Variants in TOR1AIP2 observed in about 807,000 individuals in gnomAD.
TOR1AIP2 encodes torsin-1A-interacting protein 2.
TOR1AIP2 carries 20 observed loss-of-function variants against 32.6 expected under a neutral mutation model. The observed-to-expected ratio is 0.61, with a 90% CI of 0.43 to 0.89. The LOEUF (loss-of-function observed/expected upper bound fraction) is 0.89, where lower values mean the gene tolerates loss of function less well. Ranked by LOEUF, TOR1AIP2 falls within the 40% of genes least tolerant of loss-of-function variation. The pLI is 0.00. For missense variants in TOR1AIP2, 456 were observed against 553.8 expected (o/e 0.82, Z 1.77); for synonymous variants, 214 against 210.8 (o/e 1.02, Z -0.13).
chr1:179,854,955 G>C (rs527744546), intron 3 of TOR1AIP2, among the ~76,000 whole-genome samples: 3 of 152,152 alleles, frequency 2.0e-5, no homozygotes, highest in Middle Eastern at 3.4e-3. Flanking sequence ...ACAGAATAGA[G>C]AGTCAAGAAA....
intron 2 of TOR1AIP2, among the ~76,000 whole-genome samples, chr1:179,871,950 C>T (rs1697026295): frequency 6.6e-6 from 1 of 152,120 alleles, no homozygotes; most frequent in Non-Finnish European, 1.5e-5. Flanking sequence ...GGAAAAAAGT[C>T]AACTTGTTTT....
rs200432465 is a variant in TOR1AIP2 at position 179,846,585 on chromosome 1, G to A, written c.899C>T (p.Ala300Val). The A allele has an allele frequency of 3.7e-6, 6 of 1,614,194 alleles. No individual in the cohort carries two copies. Among genetic ancestry groups the A allele is most frequent in the Non-Finnish European group, 5.1e-6 (6 of 1,180,034 alleles). The stretch of plus-strand genomic sequence containing the variant: ...CAGGGTCTCTCTTCCCTCCCGAGCT[G>A]CTGTAAATATGATGGTGGCTGGCTC... ...PTEPATIIFT[A>V]AREGRETLKC... is the part of the protein sequence containing the mutation. The change falls in exon 7 of 7, where the codon GCA becomes GTA. Residue 300 changes from alanine (A) to valine (V), a missense_variant. Coordinates refer to ENST00000609928, the MANE Select transcript of TOR1AIP2 (RefSeq NM_001199260.2).
At chr1:179,861,065 C>G (rs1696511910) in intron 3 of TOR1AIP2, 1 of 985,392 alleles carries the variant, frequency 1.0e-6, no homozygotes, top group African/African-American at 1.7e-5. Context: ...TTCCATTAAC[C>G]TTTTCACTCC....
Position 179,846,368 on chromosome 1 carries a change from G to T in TOR1AIP2, c.1116C>A (p.Ala372=). 1 of 1,614,134 alleles carries T rather than the reference G, an allele frequency of 6.2e-7. No homozygotes were observed. The highest frequency in any genetic ancestry group is 8.5e-7 in the Non-Finnish European group (1 of 1,180,038). ...AVVHHFESFP[A]GSTLIFYKYC... Reference sequence around the variant, plus strand: ...ACTTATAGAAGATCAAAGTGGAGCCGGCAGGGAAGGATTCGAAGTGGTGTA... The same window carrying T: ...ACTTATAGAAGATCAAAGTGGAGCCTGCAGGGAAGGATTCGAAGTGGTGTA... The change falls in exon 7 of 7, where the codon GCC becomes GCA. Residue 372 remains alanine (A), a synonymous_variant. Transcript: ENST00000609928.
In TOR1AIP2 at chr1:179,843,608, G is replaced by C. The variant is rs1695796395; in HGVS notation, c.*2463C>G. 6.6e-6 allele frequency: 1 copy of C among 151,874 alleles called. No individual in the cohort carries two copies. The highest frequency in any genetic ancestry group is 6.6e-5 in the Admixed American group (1 of 15,182). The allele number at this position is 151,874 out of a possible 1,614,324, so 9.4% of individuals were successfully genotyped here. ...ACGCTGAGGTGGGAGGATCACTTGA[G>C]GCCAGGAGTTCAAGACCAGCCTAGG... On this transcript the variant is annotated 3_prime_UTR_variant, in exon 7 of 7. Coordinates refer to ENST00000609928, the MANE Select transcript of TOR1AIP2 (RefSeq NM_001199260.2).
At chr1:179,864,703 A>C in intron 3 of TOR1AIP2, 1 of 1,506,870 alleles carries the variant, frequency 6.6e-7, no homozygotes, top group East Asian at 2.3e-5. Flanking sequence ...TCAGACTTAG[A>C]AATGAATTAT....
chr1:179,861,717 T>C (rs1696540443), intron 3 of TOR1AIP2: 3 of 985,322 alleles, frequency 3.0e-6, no homozygotes, highest in Non-Finnish European at 3.6e-6. Flanking sequence ...TAAATGGTAC[T>C]ATCTTGCAGT....
At position 179,844,687 on chromosome 1, in the gene TOR1AIP2, T is replaced by C. The variant is rs1011076151; in HGVS notation, c.*1384A>G. On this transcript the variant is annotated 3_prime_UTR_variant, in exon 7 of 7. Transcript: ENST00000609928. ...GAATCTACCCACCATTTCTGCTTCC[T>C]CTCACTAAGTATAACATCTCTTAGA... 2.0e-5 allele frequency: 3 copies of C among 152,202 alleles called. No homozygotes were observed. Among genetic ancestry groups the C allele is most frequent in the African/African-American group, 4.8e-5 (2 of 41,466 alleles). The allele number at this position is 152,202 out of a possible 1,614,324, so 9.4% of individuals were successfully genotyped here.
chr1:179,859,884 G>A (rs1696452097), intron 3 of TOR1AIP2: 1 of 948,976 alleles, frequency 1.1e-6, no homozygotes, highest in Non-Finnish European at 1.3e-6. Context: ...CTGGAGGGCA[G>A]TAGTACCATC....
intron 2 of TOR1AIP2, chr1:179,868,357 T>G (rs1174690059): frequency 1.3e-5 from 2 of 152,246 alleles, no homozygotes; most frequent in Non-Finnish European, 2.9e-5. Context: ...GCAGGACATT[T>G]TACCTTTCTA....
chr1:179,864,293 C>A (rs1367728706), intron 3 of TOR1AIP2: 10 of 985,112 alleles, frequency 1.0e-5, no homozygotes, highest in Non-Finnish European at 9.6e-6. Flanking sequence ...ATATATATAT[C>A]TCATCACTGA....
Position 179,846,501 on chromosome 1 carries a change from A to G in TOR1AIP2, c.983T>C (p.Ile328Thr), listed in dbSNP as rs1695909270. Residue 328 changes from isoleucine to threonine, a missense_variant, in exon 7 of 7, where the codon ATT becomes ACT. Transcript: ENST00000609928. Reference sequence around the variant, plus strand: ...GGTCCTTCCAGCCCCATCAATCTGAATGGGAGAGACTTTCTGGGAAGAGGT... The same window carrying G: ...GGTCCTTCCAGCCCCATCAATCTGAGTGGGAGAGACTTTCTGGGAAGAGGT... ...AYTSSQKVSP[I>T]QIDGAGRTWQ... 4 of 1,613,982 alleles carry G rather than the reference A, an allele frequency of 2.5e-6. No individual in the cohort carries two copies. The highest frequency in any genetic ancestry group is 3.4e-6 in the Non-Finnish European group (4 of 1,180,020).
intron 2 of TOR1AIP2, chr1:179,868,154 T>C (rs1047595758): frequency 6.6e-6 from 1 of 152,208 alleles, no homozygotes; most frequent in African/African-American, 2.4e-5. Context: ...TTCATGTCAA[T>C]CACCACCTGA....
chr1:179,849,471 G>A (rs2148426383), intron 5 of TOR1AIP2, among the ~76,000 whole-genome samples: 1 of 152,248 alleles, frequency 6.6e-6, no homozygotes, highest in East Asian at 1.9e-4. Flanking sequence ...TGATCCACCA[G>A]CCTTGGCCTC....
In TOR1AIP2 at chr1:179,859,180, A is replaced by C. The variant is rs995535423; in HGVS notation, c.-147+6256T>G. ...TGAAAACGAGTAACAAATAAAGCATATACAACAACTATAAGAACTACTATT... is the reference window on the plus strand; with the variant it reads ...TGAAAACGAGTAACAAATAAAGCATCTACAACAACTATAAGAACTACTATT... On this transcript the variant is annotated intron_variant, in intron 3 of 6. Coordinates refer to ENST00000609928, the MANE Select transcript of TOR1AIP2 (RefSeq NM_001199260.2). The C allele has an allele frequency of 1.0e-5, 10 of 985,034 alleles. No individual in the cohort carries two copies. In the African/African-American group the frequency reaches 1.7e-4, roughly 17 times the overall value. 61.0% of individuals were successfully genotyped at this position (985,034 alleles called of 1,614,324 possible).
rs990546840 is a variant in TOR1AIP2, at chr1:179,840,663, A to G, written c.*5408T>C. The G allele has an allele frequency of 1.4e-5, 2 of 140,036 alleles. No individual in the cohort carries two copies. Among genetic ancestry groups the G allele is most frequent in the African/African-American group, 5.2e-5 (2 of 38,248 alleles). The allele number at this position is 140,036 out of a possible 1,614,324, so 8.7% of individuals were successfully genotyped here. A position where few individuals can be genotyped will look rare whatever the true frequency, so the allele number is the denominator to read the frequency against. ...TATAGCACAGTTTACCAAACATCGC[A>G]TGTTCTCACTCATAGGTGGGAATTG... On this transcript the variant is annotated 3_prime_UTR_variant, in exon 7 of 7. Transcript: ENST00000609928.
At chr1:179,859,784 T>A in intron 3 of TOR1AIP2, 1 of 985,444 alleles carries the variant, frequency 1.0e-6, no homozygotes, top group South Asian at 4.7e-5. Context: ...CTCAACCTCA[T>A]CCCCAAACCA....
At chr1:179,859,578 G>C (rs1696434763) in intron 3 of TOR1AIP2, 2 of 985,190 alleles carry the variant, frequency 2.0e-6, no homozygotes. Context: ...CCTTTTCAGG[G>C]AACTACCACT....
At position 179,840,340 on chromosome 1, in the gene TOR1AIP2, T is replaced by C. The variant is rs2148414133; in HGVS notation, c.*5731A>G. The stretch of plus-strand genomic sequence containing the variant: ...CGGGGGCTTGGCCAACTCTGCCCCA[T>C]ACAATGTGACTCAGCCTGTTGCTTC... On this transcript the variant is annotated 3_prime_UTR_variant, in exon 7 of 7. Transcript: ENST00000609928. 2 of 152,350 alleles carry C rather than the reference T, an allele frequency of 1.3e-5. No individual in the cohort carries two copies. Among genetic ancestry groups the C allele is most frequent in the Middle Eastern group, 6.8e-3 (2 of 294 alleles). The allele number at this position is 152,350 out of a possible 1,614,324, so 9.4% of individuals were successfully genotyped here. A position where few individuals can be genotyped will look rare whatever the true frequency, so the allele number is the denominator to read the frequency against.
Sources: allele counts gnomAD v4.1 joint callset (sites outside exome capture counted in the v4.1 genomes callset), GRCh38; gene constraint gnomAD v4.1.1; transcripts MANE v1.5; gene names NCBI Gene and HGNC (gene_info 2026-07-23, HGNC 2026-07-21).